PRKCA: variants seen among roughly 807,000 people sequenced by gnomAD.
The protein encoded by PRKCA is protein kinase C alpha type.
Under a neutral mutation model 87.0 loss-of-function variants are expected in PRKCA, and 27 were observed. The observed-to-expected ratio is 0.31, with a 90% confidence interval of 0.23 to 0.43. The LOEUF is 0.43. Ranked by LOEUF, PRKCA falls within the 20% of genes least tolerant of loss-of-function variation. PRKCA has a pLI of 1.00. For missense variants in PRKCA, 518 were observed against 852.3 expected (o/e 0.61, Z 4.88); for synonymous variants, 329 against 311.1 (o/e 1.06, Z -0.61).
At chr17:66,711,162 AAG>A (rs1973318209) in intron 8 of PRKCA, among the ~76,000 whole-genome samples, 1 of 152,238 alleles carries the variant, frequency 6.6e-6, no homozygotes, top group South Asian at 2.1e-4. Context: ...AATGAACAGA[AAG>A]AGTGCATCTT....
chr17:66,473,282 C>CT (rs1440922903), intron 2 of PRKCA, among the ~76,000 whole-genome samples: 10 of 152,344 alleles, frequency 6.6e-5, no homozygotes, highest in Admixed American at 3.3e-4. Flanking sequence ...GCCTCAATCT[C>CT]TGTGTTTCCC....
At position 66,431,630 on chromosome 17, in the gene PRKCA, C is replaced by T. The variant is rs184582683; in HGVS notation, c.206-64571C>T. ...CTGGGTAGCTGTCGCTTCCCCTCTG[C>T]GCTCCAGCAAAGTCCATGCTCATCA... is the stretch of plus-strand genomic sequence containing the variant. On this transcript the variant is annotated intron_variant, in intron 2 of 16. Transcript: ENST00000413366. 1.1e-4 allele frequency among the ~76,000 whole-genome samples: 16 copies of T among 152,276 alleles called. No homozygotes were observed. In the East Asian group the frequency reaches 1.9e-3, roughly 18 times the overall value.
At chr17:66,585,942 G>T (rs1969582369) in intron 3 of PRKCA, among the ~76,000 whole-genome samples, 2 of 152,190 alleles carry the variant, frequency 1.3e-5, no homozygotes, top group African/African-American at 4.8e-5. Flanking sequence ...AGTATTAACT[G>T]CCTTGCTCTC....
At position 66,405,108 on chromosome 17, in the gene PRKCA, G is replaced by A. The variant is rs374085323; in HGVS notation, c.206-91093G>A. On this transcript the variant is annotated intron_variant, in intron 2 of 16. Transcript: ENST00000413366. ...ACTGCTCTTCCTGGGATTTCAGCCC[G>A]CCCCTATCTCTCCCATCAGGAGAGA... Among the ~76,000 whole-genome samples, 27 of 152,122 alleles carry A rather than the reference G, an allele frequency of 1.8e-4. No individual in the cohort carries two copies. The East Asian group carries it at 4.1e-3, about 23-fold the overall frequency.
intron 2 of PRKCA, among the ~76,000 whole-genome samples, chr17:66,372,439 A>G (rs1011772677): frequency 6.6e-6 from 1 of 151,986 alleles, no homozygotes; most frequent in Non-Finnish European, 1.5e-5. Context: ...GGTTTTTTTT[A>G]AATGTAAGCA....
intron 3 of PRKCA, among the ~76,000 whole-genome samples, chr17:66,515,290 G>A (rs200179946): frequency 5.6e-4 from 63 of 113,360 alleles, no homozygotes; most frequent in Middle Eastern, 8.5e-3. Flanking sequence ...AAAAAAAAAA[G>A]AAGGGAATGA....
chr17:66,706,861 A>G (rs1174325093), intron 8 of PRKCA, among the ~76,000 whole-genome samples: 1 of 152,190 alleles, frequency 6.6e-6, no homozygotes, highest in Non-Finnish European at 1.5e-5. Flanking sequence ...CAAAGCCTAA[A>G]TGTATGCCCT....
At chr17:66,634,241 G>C (rs1419690298) in intron 3 of PRKCA, among the ~76,000 whole-genome samples, 1 of 152,310 alleles carries the variant, frequency 6.6e-6, no homozygotes, top group South Asian at 2.1e-4. Flanking sequence ...TAGATTTGTA[G>C]GTTAGACTTT....
chr17:66,653,005 A>ACCTGGCCCCTGGCC (rs199727861), intron 5 of PRKCA, among the ~76,000 whole-genome samples: 1 of 152,188 alleles, frequency 6.6e-6, no homozygotes, highest in African/African-American at 2.4e-5. Flanking sequence ...AAGAGCACTC[A>ACCTGGCCCCTGGCC]CCTGGCCCCT....
chr17:66,782,912 G>T (rs1039487559), intron 14 of PRKCA, among the ~76,000 whole-genome samples: 3 of 152,184 alleles, frequency 2.0e-5, no homozygotes, highest in African/African-American at 7.2e-5. Context: ...ACTGATTTGC[G>T]GAGTGAGCAG....
At chr17:66,700,798 A>T (rs766586296) in intron 8 of PRKCA, among the ~76,000 whole-genome samples, 11 of 152,216 alleles carry the variant, frequency 7.2e-5, no homozygotes, top group Non-Finnish European at 1.0e-4. Flanking sequence ...AAATAATAAT[A>T]CCTAAATAAA....
chr17:66,580,916 G>C (rs907611668), intron 3 of PRKCA, among the ~76,000 whole-genome samples: 3 of 134,812 alleles, frequency 2.2e-5, no homozygotes, highest in African/African-American at 9.2e-5. Context: ...GTAGGTTTAA[G>C]ATGAGATTTG....
chr17:66,754,889 C>A (rs1425173456), intron 13 of PRKCA, among the ~76,000 whole-genome samples: 1 of 152,044 alleles, frequency 6.6e-6, no homozygotes, highest in Non-Finnish European at 1.5e-5. Flanking sequence ...CAGGGCCCCA[C>A]CTTGATGAGT....
At chr17:66,471,385 A>G (rs949180124) in intron 2 of PRKCA, among the ~76,000 whole-genome samples, 2 of 152,232 alleles carry the variant, frequency 1.3e-5, no homozygotes, top group Non-Finnish European at 2.9e-5. Context: ...CTGTCTGCTA[A>G]TTAGCTTGTG....
intron 14 of PRKCA, among the ~76,000 whole-genome samples, chr17:66,784,496 G>A (rs941587855): frequency 7.2e-5 from 11 of 151,884 alleles, no homozygotes; most frequent in Admixed American, 3.3e-4. Context: ...ATCCACCCAC[G>A]TTGGCCTCCC....
intron 2 of PRKCA, among the ~76,000 whole-genome samples, chr17:66,369,974 G>C (rs534384283): frequency 6.6e-6 from 1 of 152,198 alleles, no homozygotes; most frequent in African/African-American, 2.4e-5. Context: ...TTATCATTAG[G>C]GTGAACATAT....
In PRKCA at chr17:66,653,802, A is replaced by C. The variant is rs995753893; in HGVS notation, c.529+8291A>C. 1.0e-4 allele frequency among the ~76,000 whole-genome samples: 14 copies of C among 135,230 alleles called. No individual in the cohort carries two copies. In the East Asian group the frequency reaches 3.0e-3, roughly 29 times the overall value. 88.7% of individuals were successfully genotyped at this position (135,230 alleles called of 152,430 possible). On this transcript the variant is annotated intron_variant, in intron 5 of 16. Transcript: ENST00000413366. The stretch of plus-strand genomic sequence containing the variant: ...AAGTTTCCAGCTCTTAAAAAAAAAA[A>C]AAAAAAACAAAACCAACAAGCTTTA...
chr17:66,481,429 T>C (rs1440629940), intron 2 of PRKCA, among the ~76,000 whole-genome samples: 2 of 152,134 alleles, frequency 1.3e-5, no homozygotes, highest in South Asian at 2.1e-4. Flanking sequence ...CCAGGCCTAA[T>C]AGACTTGCCC....
intron 3 of PRKCA, among the ~76,000 whole-genome samples, chr17:66,603,057 C>G (rs1970101071): frequency 6.6e-6 from 1 of 152,218 alleles, no homozygotes; most frequent in Admixed American, 6.5e-5. Flanking sequence ...GGTCATGTGA[C>G]AAGAGCCCGG....
Sources: allele counts gnomAD v4.1 joint callset (sites outside exome capture counted in the v4.1 genomes callset), GRCh38; gene constraint gnomAD v4.1.1; transcripts MANE v1.5; gene names NCBI Gene and HGNC (gene_info 2026-07-23, HGNC 2026-07-21).